The following ADAMTSL1 variants were observed in gnomAD, a reference collection of about 807,000 sequenced individuals.
The protein encoded by ADAMTSL1 is ADAMTS-like protein 1.
In ADAMTSL1, 126 loss-of-function variants were observed where a neutral mutation model predicts 201.8. The ratio of observed to expected loss-of-function variants is 0.62; its 90% CI spans 0.54 to 0.72. ADAMTSL1 has a LOEUF of 0.72. Among genes scored for constraint, ADAMTSL1 ranks in the 30% least tolerant of loss-of-function variants. The pLI is 0.00. For synonymous variants in ADAMTSL1, 1,121 were observed against 903.4 expected (o/e 1.24, Z -4.32); for missense variants, 2,679 against 2,277.8 (o/e 1.18, Z -3.59).
At position 17,976,393 on chromosome 9, in the gene ADAMTSL1, G is replaced by GT. The variant is rs200680375; in HGVS notation, c.87+69478dup. Among the ~76,000 whole-genome samples, 26 of 151,868 alleles carry GT rather than the reference G, an allele frequency of 1.7e-4. No individual in the cohort carries two copies. The East Asian group carries it at 2.1e-3, about 12-fold the overall frequency. On this transcript the variant is annotated intron_variant, in intron 1 of 29. Coordinates refer to the ADAMTSL1 transcript ENST00000680146. ...TTTCCATTTATTTATGTCTTCTTCA[G>GT]TTTTTTTAAATCAGTATTTTATAGT...
chr9:18,335,801 A>T (rs141079381), intron 2 of ADAMTSL1, among the ~76,000 whole-genome samples: 199 of 152,244 alleles, frequency 1.3e-3, no homozygotes, highest in African/African-American at 4.1e-3. Flanking sequence ...ATGGGCTTTT[A>T]TTACCTTTAA....
intron 4 of ADAMTSL1, 110 bp from the exon 5 acceptor site, chr9:18,622,133 T>G (rs1030201451): frequency 7.0e-7 from 1 of 1,424,602 alleles, no homozygotes; most frequent in Admixed American, 2.0e-5. Context: ...CGGGGTATGT[T>G]TTAGGCCCCT....
chr9:18,246,259 A>C (rs937436857), intron 2 of ADAMTSL1, among the ~76,000 whole-genome samples: 1 of 152,186 alleles, frequency 6.6e-6, no homozygotes, highest in Non-Finnish European at 1.5e-5. Flanking sequence ...TAATTTCTGC[A>C]TGTAATCCAA....
At chr9:18,244,943 C>G (rs758253496) in intron 2 of ADAMTSL1, among the ~76,000 whole-genome samples, 1 of 152,134 alleles carries the variant, frequency 6.6e-6, no homozygotes, top group East Asian at 1.9e-4. Flanking sequence ...TGTTTGATGG[C>G]ATTGGATTGA....
chr9:18,164,921 A>T (rs960602726), intron 2 of ADAMTSL1, among the ~76,000 whole-genome samples: 1 of 151,612 alleles, frequency 6.6e-6, no homozygotes, highest in African/African-American at 2.4e-5. Flanking sequence ...TGTTTTTGTC[A>T]TTTACATTTT....
intron 23 of ADAMTSL1, among the ~76,000 whole-genome samples, chr9:18,860,641 G>C (rs1161472339): frequency 6.6e-6 from 1 of 152,006 alleles, no homozygotes; most frequent in African/African-American, 2.4e-5. Flanking sequence ...ACACCTTATT[G>C]TAAACACTGT....
At position 18,417,030 on chromosome 9, in the gene ADAMTSL1, T is replaced by C. The variant is rs540054868; in HGVS notation, c.208-87799T>C. ...ACTGTATTCTGGGCCATAAAACAAC[T>C]TTTCAATAAATGTAAAAAGATCCAA... On this transcript the variant is annotated intron_variant, in intron 2 of 29. Coordinates refer to the ADAMTSL1 transcript ENST00000680146. 3.6e-4 allele frequency among the ~76,000 whole-genome samples: 54 copies of C among 152,112 alleles called. No individual in the cohort carries two copies. The South Asian group carries it at 0.011, about 30-fold the overall frequency.
chr9:18,681,697 T>TGTGTGTGGGGG lies in ADAMTSL1; in HGVS notation c.1342-114_1342-113insTGTGTGGGGGG, dbSNP rs370940110. 15 of 240,354 alleles carry TGTGTGTGGGGG rather than the reference T, an allele frequency of 6.2e-5. No individual in the cohort carries two copies. In the African/African-American group the frequency reaches 9.0e-4, roughly 14 times the overall value. 14.9% of individuals were successfully genotyped at this position (240,354 alleles called of 1,614,324 possible). ...TATAAATTTACCAGGAGTCCTCGTG[T>TGTGTGTGGGGG]GGGGGGGGGGGGCGGGGAAAAAGAA... On this transcript the variant is annotated intron_variant, in intron 11 of 28. Transcript: ENST00000380548.
intron 23 of ADAMTSL1, among the ~76,000 whole-genome samples, chr9:18,847,114 C>T (rs1300498033): frequency 6.6e-6 from 1 of 152,150 alleles, no homozygotes; most frequent in South Asian, 2.1e-4. Flanking sequence ...GTGCCTTTCT[C>T]CCAGTTTTTG....
intron 1 of ADAMTSL1, among the ~76,000 whole-genome samples, chr9:18,127,542 G>T (rs1478297700): frequency 1.3e-5 from 2 of 150,470 alleles, no homozygotes; most frequent in African/African-American, 4.9e-5. Context: ...TTAATAGAAG[G>T]AGAATACTAA....
intron 1 of ADAMTSL1, among the ~76,000 whole-genome samples, chr9:17,952,329 A>G (rs1461036135): frequency 6.6e-6 from 1 of 152,038 alleles, no homozygotes; most frequent in Non-Finnish European, 1.5e-5. Flanking sequence ...ATTCTTATGA[A>G]GTATTTCTCT....
At chr9:18,373,382 C>A (rs948229476) in intron 2 of ADAMTSL1, among the ~76,000 whole-genome samples, 5 of 152,140 alleles carry the variant, frequency 3.3e-5, no homozygotes, top group Non-Finnish European at 5.9e-5. Context: ...ATAAGCCAAC[C>A]ACTCTGCTGG....
At chr9:18,740,901 C>T (rs1360376611) in intron 15 of ADAMTSL1, among the ~76,000 whole-genome samples, 1 of 152,168 alleles carries the variant, frequency 6.6e-6, no homozygotes, top group Non-Finnish European at 1.5e-5. Context: ...CTTTGCCTGG[C>T]TACCACTTAT....
At chr9:18,557,093 C>T (rs1370203165) in intron 3 of ADAMTSL1, among the ~76,000 whole-genome samples, 1 of 151,958 alleles carries the variant, frequency 6.6e-6, no homozygotes, top group Admixed American at 6.6e-5. Flanking sequence ...CTACTTCTTT[C>T]CCCTCATTCC....
At chr9:17,986,133 G>T (rs992253960) in intron 1 of ADAMTSL1, among the ~76,000 whole-genome samples, 3 of 152,088 alleles carry the variant, frequency 2.0e-5, no homozygotes, top group Non-Finnish European at 2.9e-5. Flanking sequence ...CTTGGATATT[G>T]CTTGGAGGCT....
chr9:17,971,973 T>C (rs1472750052), intron 1 of ADAMTSL1, among the ~76,000 whole-genome samples: 2 of 151,748 alleles, frequency 1.3e-5, no homozygotes, highest in African/African-American at 4.8e-5. Flanking sequence ...TCTGGCTTTA[T>C]CAAAATAGAA....
intron 2 of ADAMTSL1, among the ~76,000 whole-genome samples, chr9:18,452,983 A>G (rs1820468577): frequency 6.6e-6 from 1 of 152,186 alleles, no homozygotes; most frequent in Admixed American, 6.5e-5. Context: ...GCTTTGTCAT[A>G]GTAGGAGCTC....
At chr9:18,045,351 T>C (rs1156274095) in intron 1 of ADAMTSL1, among the ~76,000 whole-genome samples, 1 of 152,144 alleles carries the variant, frequency 6.6e-6, no homozygotes, top group Non-Finnish European at 1.5e-5. Context: ...CAGTTGGAGT[T>C]GGCATGAGTG....
intron 1 of ADAMTSL1, among the ~76,000 whole-genome samples, chr9:18,486,002 CTCTTGTGG>C (rs1821972234): frequency 6.6e-6 from 1 of 152,184 alleles, no homozygotes; most frequent in Admixed American, 6.5e-5. Context: ...TAGCAAAAAC[CTCTTGTGG>C]GCTCCCTTTG....
Sources: allele counts gnomAD v4.1 joint callset (sites outside exome capture counted in the v4.1 genomes callset), GRCh38; gene constraint gnomAD v4.1.1; transcripts MANE v1.5; gene names NCBI Gene and HGNC (gene_info 2026-07-23, HGNC 2026-07-21).